The following TMIE variants were observed in gnomAD, a reference collection of about 807,000 sequenced individuals.
The protein encoded by TMIE is transmembrane inner ear expressed protein.
In TMIE, 14 loss-of-function variants were observed where a neutral mutation model predicts 16.8. The observed-to-expected ratio is 0.83, with a 90% CI of 0.55 to 1.30. TMIE has a LOEUF of 1.30. Among genes scored for constraint, TMIE ranks in the 50% most tolerant of loss-of-function variants. The probability of loss-of-function intolerance (pLI) is 0.00; values close to 1 mark genes in which losing one functional copy is unlikely to be tolerated. For missense variants in TMIE, 204 were observed against 205.9 expected (o/e 0.99, Z 0.06); for synonymous variants, 75 against 87.2 (o/e 0.86, Z 0.78).
Position 46,701,480 on chromosome 3 carries a change from G to T in TMIE, c.-8G>T, listed in dbSNP as rs1198696237. The T allele has an allele frequency of 1.4e-5, 19 of 1,360,072 alleles. No individual in the cohort carries two copies. Among genetic ancestry groups the T allele is most frequent in the Non-Finnish European group, 1.7e-5 (18 of 1,059,130 alleles). 84.3% of individuals were successfully genotyped at this position (1,360,072 alleles called of 1,614,324 possible). A position where few individuals can be genotyped will look rare whatever the true frequency, so the allele number is the denominator to read the frequency against. On this transcript the variant is annotated 5_prime_UTR_variant, in exon 1 of 4. Coordinates refer to ENST00000643606, the MANE Select transcript of TMIE (RefSeq NM_147196.3). The surrounding 1 kb of genome is among the most constrained non-coding windows in gnomAD (Gnocchi z 4.3). The stretch of plus-strand genomic sequence containing the variant: ...CCTGGGCTCCGCAAGCGGCGCGGTG[G>T]CACGAAGATGGCGGGGTGGCCGGGC...
chr3:46,704,495 G>T (rs570523355), intron 1 of TMIE, among the ~76,000 whole-genome samples: 1 of 139,474 alleles, frequency 7.2e-6, no homozygotes, highest in Non-Finnish European at 1.5e-5. Flanking sequence ...AGATGCCCAG[G>T]GCAGGACCGT....
chr3:46,710,023 G>T lies in TMIE; in HGVS notation c.*335G>T. The T allele has an allele frequency of 7.3e-6, 3 of 410,632 alleles. 1 individual carries two copies. Among genetic ancestry groups the T allele is most frequent in the Non-Finnish European group, 1.4e-5 (3 of 217,248 alleles). 25.4% of individuals were successfully genotyped at this position (410,632 alleles called of 1,614,324 possible). ...ACCCTTTCTGCCAGGGATGGCAGTG[G>T]CTGTGAAGGAGTAATGGGATATGGG... On this transcript the variant is annotated 3_prime_UTR_variant, in exon 4 of 4. Transcript: ENST00000643606.
chr3:46,705,490 G>T (rs1295509128), intron 1 of TMIE, among the ~76,000 whole-genome samples: 1 of 152,188 alleles, frequency 6.6e-6, no homozygotes, highest in Non-Finnish European at 1.5e-5. Flanking sequence ...GAGTAGGAGG[G>T]TGTGTTCATA....
chr3:46,709,533 A>C, intron 3 of TMIE, 46 bp from the exon 4 acceptor site: 1 of 1,613,970 alleles, frequency 6.2e-7, no homozygotes, highest in Non-Finnish European at 8.5e-7. Flanking sequence ...AGACCCCAGG[A>C]CCTTGTCTCA....
intron 1 of TMIE, among the ~76,000 whole-genome samples, chr3:46,695,293 G>A (rs948986532): frequency 2.6e-5 from 4 of 152,338 alleles, no homozygotes; most frequent in Middle Eastern, 3.4e-3. Flanking sequence ...GGGAGGTAGC[G>A]GTACATTCTG....
chr3:46,693,973 T>C (rs1700331237), upstream of TMIE, among the ~76,000 whole-genome samples: 1 of 151,252 alleles, frequency 6.6e-6, no homozygotes, highest in Non-Finnish European at 1.5e-5. Flanking sequence ...ACGCGCACAC[T>C]CAGGCTCGCC....
chr3:46,696,078 C>T (rs900494468), intron 1 of TMIE, among the ~76,000 whole-genome samples: 1 of 152,194 alleles, frequency 6.6e-6, no homozygotes, highest in Non-Finnish European at 1.5e-5. Context: ...TGTATACCCA[C>T]CCACACCACT....
upstream of TMIE, among the ~76,000 whole-genome samples, chr3:46,698,575 T>TG (rs1248624506): frequency 6.6e-6 from 1 of 152,094 alleles, no homozygotes; most frequent in Non-Finnish European, 1.5e-5. Context: ...ACCTGGCCCA[T>TG]GATCCTGAAT....
In TMIE at chr3:46,701,466, C is replaced by A; in HGVS notation, c.-22C>A. On this transcript the variant is annotated 5_prime_UTR_variant, in exon 1 of 4. Transcript: ENST00000643606. The surrounding 1 kb of genome is among the most constrained non-coding windows in gnomAD (Gnocchi z 4.3). ...CCGGCCCGTTCGTCCCTGGGCTCCG[C>A]AAGCGGCGCGGTGGCACGAAGATGG... is the stretch of plus-strand genomic sequence containing the variant. 2 of 1,382,106 alleles carry A rather than the reference C, an allele frequency of 1.4e-6. No individual in the cohort carries two copies. Among genetic ancestry groups the A allele is most frequent in the Non-Finnish European group, 1.9e-6 (2 of 1,070,176 alleles). The allele number at this position is 1,382,106 out of a possible 1,614,324, so 85.6% of individuals were successfully genotyped here.
chr3:46,697,212 A>G (rs1372718888), upstream of TMIE, among the ~76,000 whole-genome samples: 1 of 152,150 alleles, frequency 6.6e-6, no homozygotes. Context: ...GTCTTTGGCT[A>G]TAATGTGTTG....
intron 1 of TMIE, among the ~76,000 whole-genome samples, chr3:46,694,822 G>T (rs754093118): frequency 6.6e-6 from 1 of 152,056 alleles, no homozygotes; most frequent in Non-Finnish European, 1.5e-5. Flanking sequence ...CTGCAGAGCC[G>T]CCCCTTCCTG....
intron 1 of TMIE, among the ~76,000 whole-genome samples, chr3:46,702,654 G>A (rs1408906884): frequency 6.6e-6 from 1 of 152,260 alleles, no homozygotes; most frequent in East Asian, 1.9e-4. Context: ...TGGGGGCTTG[G>A]GGACAGTGTG....
In TMIE at chr3:46,709,233, G is replaced by A; in HGVS notation, c.319G>A (p.Glu107Lys). 1 of 1,614,168 alleles carries A rather than the reference G, an allele frequency of 6.2e-7. No homozygotes were observed. Among genetic ancestry groups the A allele is most frequent in the South Asian group, 1.1e-5 (1 of 91,086 alleles). The change falls in exon 3 of 4, where the codon GAG (glutamate) becomes AAG (lysine). Residue 107 changes from glutamate (E) to lysine (K), a missense_variant. Physicochemically the swap from Glu to Lys is moderately conservative, Grantham distance 56. Transcript: ENST00000643606. ...KAAKMYTDKL[E>K]TVPPLNELTE... is the part of the protein sequence containing the mutation. ...AGCCAAGATGTACACAGACAAGCTG[G>A]AGACTGTGCCACCCCTCAATGAGCT...
intron 1 of TMIE, among the ~76,000 whole-genome samples, chr3:46,694,996 G>A (rs1238364077): frequency 6.6e-6 from 1 of 152,166 alleles, no homozygotes; most frequent in African/African-American, 2.4e-5. Flanking sequence ...TGCTGTGTTG[G>A]TGGGTGGGGG....
At chr3:46,705,000 T>C (rs1700533024) in intron 1 of TMIE, among the ~76,000 whole-genome samples, 1 of 152,102 alleles carries the variant, frequency 6.6e-6, no homozygotes, top group Non-Finnish European at 1.5e-5. Flanking sequence ...GGCTGGGCCA[T>C]GTCCCTTAGA....
chr3:46,703,890 T>G lies in TMIE; in HGVS notation c.94-1900T>G, dbSNP rs554597869. Among the ~76,000 whole-genome samples, 4 of 152,240 alleles carry G rather than the reference T, an allele frequency of 2.6e-5. No individual in the cohort carries two copies. In the South Asian group the frequency reaches 8.3e-4, roughly 32 times the overall value. On this transcript the variant is annotated intron_variant, in intron 1 of 3. Transcript: ENST00000643606. ...TCTTCTCAGAGAACCAGAAGGGACT[T>G]CTCGTGTCTGTCCTTATTTAGTAAT...
rs1316881263 is a variant in TMIE at position 46,701,520 on chromosome 3, C to G, written c.33C>G (p.Cys11Trp). 1 of 1,322,714 alleles carries G rather than the reference C, an allele frequency of 7.6e-7. No homozygotes were observed. The highest frequency in any genetic ancestry group is 9.6e-7 in the Non-Finnish European group (1 of 1,040,386). 81.9% of individuals were successfully genotyped at this position (1,322,714 alleles called of 1,614,324 possible). MAGWPGAGPL[C>W]VLGGAALGVC... is the part of the protein sequence containing the mutation. ...GGTGGCCGGGCGCGGGTCCCCTCTG[C>G]GTGCTGGGCGGCGCCGCACTCGGGG... Residue 11 changes from cysteine (C) to tryptophan (W), a missense_variant, in exon 1 of 4, where the codon TGC (cysteine) becomes TGG (tryptophan). Physicochemically the swap from Cys to Trp is radical, Grantham distance 215 (BLOSUM62 -2). Coordinates refer to ENST00000643606, the MANE Select transcript of TMIE (RefSeq NM_147196.3). The surrounding 1 kb of genome is among the most constrained non-coding windows in gnomAD (Gnocchi z 4.3).
intron 3 of TMIE, 95 bp downstream of exon 3, chr3:46,709,370 T>C: frequency 6.2e-7 from 1 of 1,605,520 alleles, no homozygotes; most frequent in Non-Finnish European, 8.5e-7. Flanking sequence ...CCAAAGCAGG[T>C]TCAGGGAGGG....
chr3:46,702,030 C>A (rs901674829), intron 1 of TMIE, among the ~76,000 whole-genome samples: 1 of 152,128 alleles, frequency 6.6e-6, no homozygotes, highest in African/African-American at 2.4e-5. Flanking sequence ...GCCTCTATCT[C>A]CAGAGATGTT....
Sources: allele counts gnomAD v4.1 joint callset (sites outside exome capture counted in the v4.1 genomes callset), GRCh38; gene constraint gnomAD v4.1.1; non-coding constraint Gnocchi (gnomAD v3.1); transcripts MANE v1.5; gene names NCBI Gene and HGNC (gene_info 2026-07-23, HGNC 2026-07-21).